Variants in SLC9A2 observed in about 807,000 individuals in gnomAD.
SLC9A2 encodes the protein solute carrier family 9 member A2.
Under a neutral mutation model 71.7 loss-of-function variants are expected in SLC9A2, and 42 were observed. That is an observed-to-expected ratio of 0.59 (90% CI 0.46 to 0.76). The LOEUF (loss-of-function observed/expected upper bound fraction) is 0.76. SLC9A2 is among the 30% of genes least tolerant of loss of function. The probability of loss-of-function intolerance (pLI) is 0.00; values close to 1 mark genes in which losing one functional copy is unlikely to be tolerated. For missense variants in SLC9A2, 829 were observed against 1,017.4 expected, an observed-to-expected ratio of 0.81 and a Z score of 2.52; for synonymous variants, 396 against 392.5, an observed-to-expected ratio of 1.01 and a Z score of -0.10.
intron 3 of SLC9A2, among the ~76,000 whole-genome samples, chr2:102,666,258 T>C (rs11683704): frequency 0.32 from 47,437 of 146,436 alleles, 7,995 homozygotes; most frequent in South Asian, 0.41. Context: ...TGCAGCGGCG[T>C]GATCTCGGCT....
intron 1 of SLC9A2, among the ~76,000 whole-genome samples, chr2:102,654,738 C>T (rs527758459): frequency 4.6e-5 from 7 of 152,134 alleles, no homozygotes; most frequent in Non-Finnish European, 5.9e-5. Context: ...CATCATAGGG[C>T]GTGCTTACAC....
In SLC9A2 at chr2:102,657,565, C is replaced by A; in HGVS notation, c.291C>A (p.Gly97=). ...GTGTTTTTATTTTTTCCTTACCAGG[C>A]TTCCATCTGTATCACAAGTTGCCCA... is the stretch of plus-strand genomic sequence containing the variant. The part of the protein sequence containing the change: ...WILLASLAKI[G]FHLYHKLPTI... The change falls in exon 2 of 12, where the codon GGC becomes GGA. Residue 97 remains glycine (G), a splice_region_variant and synonymous_variant. Coordinates refer to ENST00000233969, the MANE Select transcript of SLC9A2 (RefSeq NM_003048.6). 1 of 1,591,286 alleles carries A rather than the reference C, an allele frequency of 6.3e-7. No homozygotes were observed. Among genetic ancestry groups the A allele is most frequent in the Non-Finnish European group, 8.6e-7 (1 of 1,168,510 alleles).
chr2:102,673,788 CT>C (rs773324787), intron 3 of SLC9A2, among the ~76,000 whole-genome samples: 5,422 of 141,354 alleles, frequency 0.038, 233 homozygotes, highest in African/African-American at 0.12. Context: ...GAAATAAATA[CT>C]TTTTTTTTTT....
intron 3 of SLC9A2, among the ~76,000 whole-genome samples, chr2:102,680,575 G>A (rs1357855497): frequency 6.6e-6 from 1 of 152,054 alleles, no homozygotes; most frequent in Non-Finnish European, 1.5e-5. Context: ...CATGCAAGCA[G>A]CAGAGGCCAT....
chr2:102,703,361 A>G (rs1479271020), intron 9 of SLC9A2, among the ~76,000 whole-genome samples: 2 of 152,124 alleles, frequency 1.3e-5, no homozygotes, highest in African/African-American at 2.4e-5. Flanking sequence ...TCCCTGAAAC[A>G]CCCAGGGAGT....
intron 9 of SLC9A2, among the ~76,000 whole-genome samples, chr2:102,702,917 C>G (rs1345592400): frequency 3.3e-5 from 5 of 152,212 alleles, no homozygotes; most frequent in Non-Finnish European, 7.3e-5. Context: ...GCACCTTATT[C>G]TAATAATTTG....
At chr2:102,623,319 C>T (rs1428064794) in intron 1 of SLC9A2, among the ~76,000 whole-genome samples, 1 of 152,122 alleles carries the variant, frequency 6.6e-6, no homozygotes, top group African/African-American at 2.4e-5. Context: ...GGGTATATTT[C>T]TCAGGACAGA....
chr2:102,668,332 TA>T (rs1677183079), intron 3 of SLC9A2, among the ~76,000 whole-genome samples: 1 of 152,080 alleles, frequency 6.6e-6, no homozygotes, highest in African/African-American at 2.4e-5. Context: ...GTTGCTTCCT[TA>T]TGGTGTAGAT....
rs1678029905 is a variant in SLC9A2 at position 102,708,426 on chromosome 2, G to A, written c.2376G>A (p.Arg792=). 1 of 1,614,194 alleles carries A rather than the reference G, an allele frequency of 6.2e-7. No individual in the cohort carries two copies. Among genetic ancestry groups the A allele is most frequent in the Non-Finnish European group, 8.5e-7 (1 of 1,180,044 alleles). The change falls in exon 12 of 12, where the codon CGG becomes CGA. Residue 792 remains arginine (R), a synonymous_variant. Coordinates refer to ENST00000233969, the MANE Select transcript of SLC9A2 (RefSeq NM_003048.6). ...TEGIPPKPPP[R]LVWRASEPGS... ...GCATCCCGCCCAAGCCGCCACCACG[G>A]CTGGTCTGGAGGGCATCGGAACCTG...
At chr2:102,675,051 G>T (rs1479101683) in intron 3 of SLC9A2, among the ~76,000 whole-genome samples, 1 of 152,208 alleles carries the variant, frequency 6.6e-6, no homozygotes, top group Non-Finnish European at 1.5e-5. Flanking sequence ...TGTGTCACAT[G>T]ACCCGCCCTG....
In SLC9A2 at chr2:102,710,333, A is replaced by G. The variant is rs1172923562; in HGVS notation, c.*1844A>G. 1 of 152,434 alleles carries G rather than the reference A, an allele frequency of 6.6e-6. No homozygotes were observed. Among genetic ancestry groups the G allele is most frequent in the Non-Finnish European group, 1.5e-5 (1 of 68,042 alleles). The allele number at this position is 152,434 out of a possible 1,614,324, so 9.4% of individuals were successfully genotyped here. ...TGTGATGTAGATTTTTGAGAATGCC[A>G]AAAATCAGGTTTCAGAAAAGCTACA... On this transcript the variant is annotated 3_prime_UTR_variant, in exon 12 of 12. Coordinates refer to ENST00000233969, the MANE Select transcript of SLC9A2 (RefSeq NM_003048.6).
chr2:102,692,406 G>C (rs1677681430), intron 5 of SLC9A2, among the ~76,000 whole-genome samples: 1 of 152,178 alleles, frequency 6.6e-6, no homozygotes, highest in Non-Finnish European at 1.5e-5. Flanking sequence ...CATGAGGAAA[G>C]ATGAGATGAA....
intron 3 of SLC9A2, among the ~76,000 whole-genome samples, chr2:102,681,833 C>A (rs1009275687): frequency 6.6e-6 from 1 of 152,152 alleles, no homozygotes; most frequent in Non-Finnish European, 1.5e-5. Flanking sequence ...AATAAACATA[C>A]CTGCCTTTGT....
chr2:102,704,775 G>A (rs1430582201), intron 10 of SLC9A2, 100 bp downstream of exon 10: 13 of 1,336,196 alleles, frequency 9.7e-6, no homozygotes, highest in Non-Finnish European at 1.4e-5. Context: ...TCAAGTGGCT[G>A]TTGACAGTTC....
At chr2:102,685,589 A>G (rs1677532687) in intron 5 of SLC9A2, among the ~76,000 whole-genome samples, 1 of 152,194 alleles carries the variant, frequency 6.6e-6, no homozygotes, top group African/African-American at 2.4e-5. Context: ...ATTCTGATGG[A>G]GCAACCTATG....
At chr2:102,630,877 G>T (rs1676342420) in intron 1 of SLC9A2, among the ~76,000 whole-genome samples, 1 of 151,258 alleles carries the variant, frequency 6.6e-6, no homozygotes, top group Non-Finnish European at 1.5e-5. Flanking sequence ...GTCTCTTTTG[G>T]ATTGTTCTGT....
intron 5 of SLC9A2, among the ~76,000 whole-genome samples, chr2:102,691,132 C>T (rs113369184): frequency 1.2e-4 from 19 of 152,316 alleles, no homozygotes; most frequent in South Asian, 2.1e-4. Flanking sequence ...TAATTCTCCC[C>T]GTTCCTCTCC....
intron 1 of SLC9A2, among the ~76,000 whole-genome samples, chr2:102,626,844 A>G (rs957331599): frequency 1.9e-4 from 29 of 152,250 alleles, no homozygotes; most frequent in African/African-American, 6.5e-4. Context: ...ACTGGCCATC[A>G]GAGAAATAAT....
chr2:102,683,280 A>G lies in SLC9A2; in HGVS notation c.1024A>G (p.Thr342Ala). Residue 342 changes from threonine (T) to alanine (A), a missense_variant, in exon 4 of 12, where the codon ACT (threonine) becomes GCT (alanine). Physicochemically the swap from Thr to Ala is moderately conservative, Grantham distance 58. This residue lies in a region of SLC9A2 where 500 missense variants were observed against 726.3 expected (regional missense o/e 0.69). Coordinates refer to ENST00000233969, the MANE Select transcript of SLC9A2 (RefSeq NM_003048.6). ...GIMAITACAM[T>A]MNKYVEENVS... ...TTTCAGAATCACTGCTTGTGCAATG[A>G]CTATGAATAAGTACGTAGAAGAAAA... 2 of 1,612,708 alleles carry G rather than the reference A, an allele frequency of 1.2e-6. No individual in the cohort carries two copies. Among genetic ancestry groups the G allele is most frequent in the Non-Finnish European group, 8.5e-7 (1 of 1,178,704 alleles).
Sources: allele counts gnomAD v4.1 joint callset (sites outside exome capture counted in the v4.1 genomes callset), GRCh38; gene constraint gnomAD v4.1.1; regional missense constraint gnomAD v4.1.1; transcripts MANE v1.5; gene names NCBI Gene and HGNC (gene_info 2026-07-23, HGNC 2026-07-21).